SMAD2: variants seen among roughly 807,000 people sequenced by gnomAD.
SMAD2 encodes the protein MAD homolog 2.
Under a neutral mutation model 64.4 loss-of-function variants are expected in SMAD2, and 8 were observed. That is an observed-to-expected ratio of 0.12 (90% CI 0.07 to 0.22). SMAD2 has a LOEUF of 0.22. Among genes scored for constraint, SMAD2 ranks in the 10% least tolerant of loss-of-function variants. The pLI is 1.00. For missense variants in SMAD2, 289 were observed against 561.2 expected (o/e 0.51, Z 4.90); for synonymous variants, 203 against 195.8 (o/e 1.04, Z -0.31).
At chr18:47,913,005 C>T (rs1388290687) in intron 1 of SMAD2, among the ~76,000 whole-genome samples, 2 of 151,958 alleles carry the variant, frequency 1.3e-5, no homozygotes, top group South Asian at 2.1e-4. Flanking sequence ...CTGCAACCTC[C>T]ACCTCCCAGG....
intron 1 of SMAD2, among the ~76,000 whole-genome samples, chr18:47,898,527 T>C (rs1315934548): frequency 1.3e-5 from 2 of 152,176 alleles, no homozygotes; most frequent in Non-Finnish European, 2.9e-5. Context: ...AGATGCAAAT[T>C]TATTTCCCAT....
intron 2 of SMAD2, among the ~76,000 whole-genome samples, chr18:47,889,674 G>C (rs1013530045): frequency 8.6e-5 from 13 of 151,986 alleles, no homozygotes; most frequent in African/African-American, 2.9e-4. Flanking sequence ...AGGAGGCTGA[G>C]GCAGGAGAAT....
chr18:47,911,751 G>C (rs1598883281), intron 1 of SMAD2, among the ~76,000 whole-genome samples: 1 of 152,310 alleles, frequency 6.6e-6, no homozygotes, highest in East Asian at 1.9e-4. Flanking sequence ...TAACAGCCCG[G>C]TTAAACTGTC....
rs761989092 is a variant in SMAD2, at chr18:47,834,691, T to C, written c.*7136A>G. 10 of 219,402 alleles carry C rather than the reference T, an allele frequency of 4.6e-5. No homozygotes were observed. Among genetic ancestry groups the C allele is most frequent in the African/African-American group, 9.0e-5 (4 of 44,564 alleles). The allele number at this position is 219,402 out of a possible 1,614,324, so 13.6% of individuals were successfully genotyped here. A position where few individuals can be genotyped will look rare whatever the true frequency, so the allele number is the denominator to read the frequency against. On this transcript the variant is annotated 3_prime_UTR_variant, in exon 11 of 11. Coordinates refer to ENST00000262160, the MANE Select transcript of SMAD2 (RefSeq NM_005901.6). ...AAGAGTTGGTAGTAATCAAGCAAAT[T>C]AGTGAGCAGTGTATAAAAGCTCACT...
chr18:47,913,220 C>G (rs905536596), intron 1 of SMAD2, among the ~76,000 whole-genome samples: 2 of 152,182 alleles, frequency 1.3e-5, no homozygotes, highest in Admixed American at 1.3e-4. Flanking sequence ...AGCGCCCAGC[C>G]TGTTACACTT....
chr18:47,845,478 T>A lies in SMAD2; in HGVS notation c.1142A>T (p.Asn381Ile), dbSNP rs2144288283. 1 of 1,613,132 alleles carries A rather than the reference T, an allele frequency of 6.2e-7. No individual in the cohort carries two copies. Among genetic ancestry groups the A allele is most frequent in the South Asian group, 1.1e-5 (1 of 91,068 alleles). ...ATVCKIPPGC[N>I]LKIFNNQEFA... ...TTCCTGGTTGTTGAAGATCTTCAGA[T>A]TACAGCCTATGATTAAAAAAGGTAA... The change falls in exon 10 of 11, where the codon AAT becomes ATT. Residue 381 changes from asparagine to isoleucine, a missense_variant. By Grantham distance (149) the Asn-to-Ile change is moderately radical (BLOSUM62 -3). Coordinates refer to ENST00000262160, the MANE Select transcript of SMAD2 (RefSeq NM_005901.6).
rs1373438323 is a variant in SMAD2, at chr18:47,837,548, C to G, written c.*4279G>C. ...CTGCACTCCAGGTTGGGCAACAGAG[C>G]GAGACTCCCTCTCAAAAAAAAAAAA... On this transcript the variant is annotated 3_prime_UTR_variant, in exon 11 of 11. Coordinates refer to ENST00000262160, the MANE Select transcript of SMAD2 (RefSeq NM_005901.6). 2 of 189,058 alleles carry G rather than the reference C, an allele frequency of 1.1e-5. No individual in the cohort carries two copies. Among genetic ancestry groups the G allele is most frequent in the African/African-American group, 6.0e-5 (2 of 33,586 alleles). The allele number at this position is 189,058 out of a possible 1,614,324, so 11.7% of individuals were successfully genotyped here.
At chr18:47,909,422 C>T (rs1317153286) in intron 1 of SMAD2, among the ~76,000 whole-genome samples, 2 of 152,054 alleles carry the variant, frequency 1.3e-5, no homozygotes, top group African/African-American at 4.8e-5. Flanking sequence ...TTCCTAGGCA[C>T]CATTAAGAAA....
chr18:47,860,856 A>T (rs1363817798), intron 6 of SMAD2, among the ~76,000 whole-genome samples: 1 of 152,210 alleles, frequency 6.6e-6, no homozygotes, highest in African/African-American at 2.4e-5. Context: ...TTAGAACATT[A>T]AGAACAAAAA....
At chr18:47,843,990 T>TA (rs915142060) in intron 10 of SMAD2, among the ~76,000 whole-genome samples, 79 of 152,322 alleles carry the variant, frequency 5.2e-4, no homozygotes, top group African/African-American at 1.8e-3. Flanking sequence ...CCTGAAATCT[T>TA]ATTAGACAAT....
chr18:47,847,247 A>G (rs1302458705), intron 8 of SMAD2, among the ~76,000 whole-genome samples: 1 of 152,152 alleles, frequency 6.6e-6, no homozygotes. Context: ...AAATTTATAC[A>G]TCAAGCAAGA....
chr18:47,879,664 T>C (rs77966612), intron 2 of SMAD2, among the ~76,000 whole-genome samples: 252 of 152,354 alleles, frequency 1.7e-3, no homozygotes, highest in African/African-American at 5.9e-3. Context: ...TATCATTATA[T>C]AGAAATATGA....
chr18:47,883,425 T>C (rs2032722593), intron 2 of SMAD2, among the ~76,000 whole-genome samples: 1 of 152,238 alleles, frequency 6.6e-6, no homozygotes, highest in Non-Finnish European at 1.5e-5. Flanking sequence ...CTGGTGAAGT[T>C]ACCATGAACA....
At chr18:47,907,527 A>T (rs1468900057) in intron 1 of SMAD2, among the ~76,000 whole-genome samples, 2 of 152,042 alleles carry the variant, frequency 1.3e-5, no homozygotes, top group African/African-American at 4.8e-5. Context: ...ACAGAAGCAC[A>T]AAGTACCTTT....
chr18:47,918,408 G>A (rs2034420333), intron 1 of SMAD2, among the ~76,000 whole-genome samples: 1 of 152,158 alleles, frequency 6.6e-6, no homozygotes, highest in Non-Finnish European at 1.5e-5. Flanking sequence ...CGACCCAGGA[G>A]GAAAGGCATA....
intron 1 of SMAD2, among the ~76,000 whole-genome samples, chr18:47,905,577 G>GA (rs1448553024): frequency 6.6e-6 from 1 of 151,906 alleles, no homozygotes; most frequent in Non-Finnish European, 1.5e-5. Flanking sequence ...GTAGGCATAA[G>GA]AAAAAAAGAT....
rs1354323382 is a variant in SMAD2 at position 47,825,972 on chromosome 18, T to C, written c.*15855A>G. The C allele has an allele frequency of 6.6e-6, 1 of 152,218 alleles. No homozygotes were observed. The highest frequency in any genetic ancestry group is 1.5e-5 in the Non-Finnish European group (1 of 68,044). The allele number at this position is 152,218 out of a possible 1,614,324, so 9.4% of individuals were successfully genotyped here. A position where few individuals can be genotyped will look rare whatever the true frequency, so the allele number is the denominator to read the frequency against. ...ATGGCATTAATGTAAATGTTCACAT[T>C]AAGAGAAAACGGTTTCCCTGAATTG... On this transcript the variant is annotated 3_prime_UTR_variant, in exon 11 of 11. Coordinates refer to ENST00000262160, the MANE Select transcript of SMAD2 (RefSeq NM_005901.6).
chr18:47,809,917 A>C lies in SMAD2; in HGVS notation c.*31910T>G, dbSNP rs1281151595. 1 of 152,218 alleles carries C rather than the reference A, an allele frequency of 6.6e-6. No homozygotes were observed. The highest frequency in any genetic ancestry group is 1.5e-5 in the Non-Finnish European group (1 of 68,044). The allele number at this position is 152,218 out of a possible 1,614,324, so 9.4% of individuals were successfully genotyped here. ...GGTGGACTCACTGAGAAACCTTTTA[A>C]AGAGAAGATGCAGTATCATTTAAAT... On this transcript the variant is annotated 3_prime_UTR_variant, in exon 11 of 11. Coordinates refer to ENST00000262160, the MANE Select transcript of SMAD2 (RefSeq NM_005901.6).
At chr18:47,858,994 T>C (rs1289201704) in intron 6 of SMAD2, among the ~76,000 whole-genome samples, 1 of 152,064 alleles carries the variant, frequency 6.6e-6, no homozygotes, top group South Asian at 2.1e-4. Flanking sequence ...ACCAAAAATA[T>C]GCTGTCCACA....
Sources: allele counts gnomAD v4.1 joint callset (sites outside exome capture counted in the v4.1 genomes callset), GRCh38; gene constraint gnomAD v4.1.1; transcripts MANE v1.5; gene names NCBI Gene and HGNC (gene_info 2026-07-23, HGNC 2026-07-21).